MGMT: variants seen among roughly 807,000 people sequenced by gnomAD.
MGMT encodes methylated-DNA--protein-cysteine methyltransferase.
MGMT carries 14 observed loss-of-function variants against 15.9 expected under a neutral mutation model. The ratio of observed to expected loss-of-function variants is 0.88; its 90% CI spans 0.58 to 1.37. The LOEUF is 1.37. Among genes scored for constraint, MGMT ranks in the 40% most tolerant of loss-of-function variants. The pLI, the probability that MGMT is intolerant of heterozygous loss-of-function variation, is 0.00. For synonymous variants in MGMT, 130 were observed against 118.2 expected, an observed-to-expected ratio of 1.10 and a Z score of -0.65; for missense variants, 282 against 268.1, an observed-to-expected ratio of 1.05 and a Z score of -0.36.
At chr10:129,685,248 T>C (rs1442979479) in intron 2 of MGMT, among the ~76,000 whole-genome samples, 1 of 152,222 alleles carries the variant, frequency 6.6e-6, no homozygotes, top group Non-Finnish European at 1.5e-5. Flanking sequence ...AATGGGAGCA[T>C]GTAATGACTT....
intron 3 of MGMT, among the ~76,000 whole-genome samples, chr10:129,754,028 A>G (rs763650987): frequency 6.6e-6 from 1 of 152,156 alleles, no homozygotes; most frequent in Non-Finnish European, 1.5e-5. Context: ...TCCTCTTAAC[A>G]TCAGTTCTTT....
chr10:129,564,585 TC>T (rs1203878814), intron 2 of MGMT, among the ~76,000 whole-genome samples: 8 of 56,498 alleles, frequency 1.4e-4, no homozygotes, highest in Admixed American at 4.4e-4. Flanking sequence ...TTCCTCCTCC[TC>T]CCCCTCATTT....
intron 1 of MGMT, among the ~76,000 whole-genome samples, chr10:129,525,050 T>G (rs7094710): frequency 0.25 from 37,816 of 151,990 alleles, 5,653 homozygotes; most frequent in African/African-American, 0.43. Flanking sequence ...TCCAGGGAAT[T>G]TTTGGAGCAA....
rs2119799786 is a variant in MGMT, at chr10:129,556,326, A to G, written c.125+19949A>G. ...GTGATTAGGGTAACTCAGGGTCATT[A>G]GAGGAGCCCCTCACCCAGTGTGACC... is the stretch of plus-strand genomic sequence containing the variant. On this transcript the variant is annotated intron_variant, in intron 2 of 4. Transcript: ENST00000651593. The surrounding 1 kb of genome is among the most constrained non-coding windows in gnomAD (Gnocchi z 4.3). Among the ~76,000 whole-genome samples, 1 of 152,314 alleles carries G rather than the reference A, an allele frequency of 6.6e-6. No homozygotes were observed. Among genetic ancestry groups the G allele is most frequent in the East Asian group, 1.9e-4 (1 of 5,182 alleles).
intron 2 of MGMT, among the ~76,000 whole-genome samples, chr10:129,619,042 T>A (rs1847060814): frequency 6.6e-6 from 1 of 152,214 alleles, no homozygotes; most frequent in South Asian, 2.1e-4. Context: ...GTTGGGGAAG[T>A]AAACATCCTC....
chr10:129,616,302 A>C (rs1847025822), intron 2 of MGMT, among the ~76,000 whole-genome samples: 1 of 152,226 alleles, frequency 6.6e-6, no homozygotes, highest in South Asian at 2.1e-4. Flanking sequence ...CTCATCGTGA[A>C]GATGCAGAGC....
At chr10:129,717,970 A>G (rs1480123499) in intron 3 of MGMT, 8 of 152,078 alleles carry the variant, frequency 5.3e-5, no homozygotes, top group Admixed American at 1.3e-4. Flanking sequence ...GGCCTTGGTG[A>G]TTTTGGAAAT....
chr10:129,630,420 A>G (rs1477806750), intron 2 of MGMT, among the ~76,000 whole-genome samples: 1 of 152,254 alleles, frequency 6.6e-6, no homozygotes, highest in Non-Finnish European at 1.5e-5. Flanking sequence ...ATGTGAGGAA[A>G]GATATTAACC....
At chr10:129,699,871 T>C (rs542756871) in intron 2 of MGMT, among the ~76,000 whole-genome samples, 1 of 152,226 alleles carries the variant, frequency 6.6e-6, no homozygotes, top group African/African-American at 2.4e-5. Flanking sequence ...ATCTTTAAAA[T>C]AGGCCCTACA....
At chr10:129,541,109 G>A (rs191459987) in intron 2 of MGMT, among the ~76,000 whole-genome samples, 6 of 152,368 alleles carry the variant, frequency 3.9e-5, no homozygotes, top group Non-Finnish European at 8.8e-5. Context: ...CATTGCATCT[G>A]TGCTTGTGTA....
intron 1 of MGMT, among the ~76,000 whole-genome samples, chr10:129,510,501 T>G (rs1554904919): frequency 6.6e-6 from 1 of 152,122 alleles, no homozygotes; most frequent in Non-Finnish European, 1.5e-5. Flanking sequence ...ATGGATACAT[T>G]ATTGGCTCTA....
intron 3 of MGMT, among the ~76,000 whole-genome samples, chr10:129,744,688 C>T (rs930447366): frequency 7.2e-5 from 11 of 152,210 alleles, no homozygotes; most frequent in African/African-American, 2.7e-4. Context: ...GGCACCTCCT[C>T]CCGCTCACTC....
intron 2 of MGMT, among the ~76,000 whole-genome samples, chr10:129,666,844 T>C (rs1356701436): frequency 6.6e-6 from 1 of 152,236 alleles, no homozygotes; most frequent in Non-Finnish European, 1.5e-5. Flanking sequence ...TAATGTTTGC[T>C]GCTTATGAAA....
intron 1 of MGMT, among the ~76,000 whole-genome samples, chr10:129,519,645 G>A (rs938360429): frequency 5.3e-5 from 8 of 152,140 alleles, no homozygotes; most frequent in Admixed American, 3.3e-4. Flanking sequence ...TCTTCCATTC[G>A]GGACACTGAG....
chr10:129,731,522 T>C (rs1464179546), intron 3 of MGMT, among the ~76,000 whole-genome samples: 1 of 151,774 alleles, frequency 6.6e-6, no homozygotes, highest in Non-Finnish European at 1.5e-5. Flanking sequence ...CCTCAAGCAG[T>C]ACAGCTGGGA....
chr10:129,687,586 C>T (rs1459322711), intron 2 of MGMT, among the ~76,000 whole-genome samples: 2 of 152,114 alleles, frequency 1.3e-5, no homozygotes, highest in South Asian at 2.1e-4. Flanking sequence ...CTAGTGCACA[C>T]GTAGGCCCTT....
At chr10:129,640,244 A>C (rs1194165151) in intron 2 of MGMT, among the ~76,000 whole-genome samples, 1 of 151,784 alleles carries the variant, frequency 6.6e-6, no homozygotes, top group Non-Finnish European at 1.5e-5. Context: ...ACTACAGGTG[A>C]GCACCACCAT....
rs1164682298 is a variant in MGMT at position 129,556,839 on chromosome 10, C to T, written c.125+20462C>T. Among the ~76,000 whole-genome samples the T allele has an allele frequency of 6.6e-6, 1 of 152,178 alleles. No homozygotes were observed. The highest frequency in any genetic ancestry group is 2.4e-5 in the African/African-American group (1 of 41,448). On this transcript the variant is annotated intron_variant, in intron 2 of 4. Coordinates refer to ENST00000651593, the MANE Select transcript of MGMT (RefSeq NM_002412.5). The surrounding 1 kb of genome is among the most constrained non-coding windows in gnomAD (Gnocchi z 4.3). Reference sequence around the variant, plus strand: ...CAAATCACTTTTTCACAACTTGTTTCTGTTCTGTCGTAGGGCTAGTGAGAC... The same window carrying T: ...CAAATCACTTTTTCACAACTTGTTTTTGTTCTGTCGTAGGGCTAGTGAGAC...
chr10:129,565,653 G>A (rs1846345897), intron 2 of MGMT, among the ~76,000 whole-genome samples: 1 of 152,178 alleles, frequency 6.6e-6, no homozygotes. Flanking sequence ...CCGCGTGAAA[G>A]TCTGATTGGA....
Sources: gnomAD v4.1 joint callset for allele counts (sites outside exome capture counted in the v4.1 genomes callset) on GRCh38, gnomAD v4.1.1 for gene constraint, Gnocchi (gnomAD v3.1) non-coding constraint, MANE v1.5 for transcripts, NCBI Gene and HGNC (gene_info 2026-07-23, HGNC 2026-07-21) for gene names.